MMP26: variants seen among roughly 807,000 people sequenced by gnomAD.
The protein encoded by MMP26 is matrix metallopeptidase 26.
A neutral mutation model predicts 31.0 loss-of-function variants in MMP26; 33 were observed. That is an observed-to-expected ratio of 1.06 (90% CI 0.81 to 1.42). MMP26 has a LOEUF of 1.42. MMP26 is among the 40% of genes most tolerant of loss of function. MMP26 has a pLI of 0.00. For missense variants in MMP26, 347 were observed against 316.1 expected (o/e 1.10, Z -0.74); for synonymous variants, 122 against 114.9 (o/e 1.06, Z -0.40).
rs3065176 is a variant in MMP26, at chr11:4,867,387, C to CTTT, written c.-145+100067_-145+100069dup. ...TACAAAACCACAATGAGATGCTGTC[C>CTTT]TTTTTTTTTTTTTTTTTTTTTTTGA... On this transcript the variant is annotated intron_variant, in intron 2 of 7. Transcript: ENST00000380390. Among the ~76,000 whole-genome samples the CTTT allele has an allele frequency of 4.5e-3, 440 of 98,232 alleles. 4 individuals carry two copies. The highest frequency in any genetic ancestry group is 6.6e-3 in the Non-Finnish European group (333 of 50,818). 64.4% of individuals were successfully genotyped at this position (98,232 alleles called of 152,430 possible).
At chr11:4,774,036 T>A (rs12802561) in intron 2 of MMP26, among the ~76,000 whole-genome samples, 14,438 of 152,262 alleles carry the variant, frequency 0.095, 850 homozygotes, top group Middle Eastern at 0.15. Context: ...ATCCAGTCTA[T>A]CATTAGTGGG....
intron 1 of MMP26, chr11:4,724,013 A>C (rs765350828): frequency 1.0e-5 from 7 of 698,778 alleles, no homozygotes; most frequent in Non-Finnish European, 1.8e-5. Context: ...GACCCACCAT[A>C]ACCTCCACCC....
rs185538411 is a variant in MMP26 at position 4,771,433 on chromosome 11, A to G, written c.-145+4092A>G. On this transcript the variant is annotated intron_variant, in intron 2 of 7. Coordinates refer to ENST00000380390, the MANE Select transcript of MMP26 (RefSeq NM_021801.5). ...TACTGCTGTTCAAAAGTGTAAAGTG[A>G]TGGCTGCTGGCTTCCGGATACAGTA... 7.8e-4 allele frequency among the ~76,000 whole-genome samples: 119 copies of G among 152,314 alleles called. 1 individual carries two copies. The highest frequency in any genetic ancestry group is 2.6e-3 in the African/African-American group (108 of 41,566).
intron 2 of MMP26, among the ~76,000 whole-genome samples, chr11:4,891,367 T>C (rs1371353611): frequency 6.6e-6 from 1 of 152,108 alleles, no homozygotes; most frequent in Non-Finnish European, 1.5e-5. Context: ...AGGTACCATA[T>C]ACTTTTCAAC....
chr11:4,992,223 G>C lies in MMP26; in HGVS notation c.767G>C (p.Cys256Ser). 1 of 1,603,006 alleles carries C rather than the reference G, an allele frequency of 6.2e-7. No individual in the cohort carries two copies. Among genetic ancestry groups the C allele is most frequent in the Non-Finnish European group, 8.5e-7 (1 of 1,172,540 alleles). ...TTTTCTGTTTCCATAGGAGAAAAATGTTCATCTGACATACCTTAATGTTAG... is the reference window on the plus strand; with the variant it reads ...TTTTCTGTTTCCATAGGAGAAAAATCTTCATCTGACATACCTTAATGTTAG... Reference protein sequence around the residue: ...QRIQHLYGEKCSSDIP With the variant: ...QRIQHLYGEKSSSDIP The change falls in exon 8 of 8, where the codon TGT becomes TCT. Residue 256 changes from cysteine to serine, a missense_variant. Transcript: ENST00000380390.
In MMP26 at chr11:4,962,420, T is replaced by A. The variant is rs78111501; in HGVS notation, c.-144-25648T>A. Among the ~76,000 whole-genome samples the A allele has an allele frequency of 2.2e-4, 33 of 152,236 alleles. 1 individual carries two copies. The East Asian group carries it at 4.4e-3, about 20-fold the overall frequency. On this transcript the variant is annotated intron_variant, in intron 2 of 7. Transcript: ENST00000380390. ...GCTTTCTTATTTATCAATAGAAAAA[T>A]ATATATAAAGCAAATATTTAAACCT... is the stretch of plus-strand genomic sequence containing the variant.
At chr11:4,922,640 A>G (rs1489973773) in intron 2 of MMP26, among the ~76,000 whole-genome samples, 1 of 152,216 alleles carries the variant, frequency 6.6e-6, no homozygotes, top group African/African-American at 2.4e-5. Context: ...ATAAGCACAA[A>G]ATAACACATA....
intron 2 of MMP26, among the ~76,000 whole-genome samples, chr11:4,819,719 C>T (rs2133469656): frequency 6.6e-6 from 1 of 151,762 alleles, no homozygotes; most frequent in South Asian, 2.1e-4. Flanking sequence ...TTGGGACCTA[C>T]AGACATGTAC....
At chr11:4,898,885 GA>G (rs1850755376) in intron 2 of MMP26, among the ~76,000 whole-genome samples, 1 of 145,520 alleles carries the variant, frequency 6.9e-6, no homozygotes, top group Non-Finnish European at 1.5e-5. Flanking sequence ...GTTCTTTCAA[GA>G]AAAACAACTG....
At chr11:4,954,681 G>T in intron 2 of MMP26, 1 of 670,074 alleles carries the variant, frequency 1.5e-6, no homozygotes, top group South Asian at 1.7e-5. Context: ...AAAAATATGT[G>T]TTGATAATTC....
intron 2 of MMP26, among the ~76,000 whole-genome samples, chr11:4,846,300 A>G (rs1482325835): frequency 6.6e-6 from 1 of 152,232 alleles, no homozygotes; most frequent in African/African-American, 2.4e-5. Flanking sequence ...TATGCCAGGC[A>G]CAGAAAAACA....
chr11:4,836,454 A>G (rs1435987324), intron 2 of MMP26, among the ~76,000 whole-genome samples: 2 of 150,502 alleles, frequency 1.3e-5, no homozygotes, highest in Non-Finnish European at 3.0e-5. Context: ...CATATAATTT[A>G]TAATATGATA....
intron 2 of MMP26, among the ~76,000 whole-genome samples, chr11:4,856,913 G>C (rs1387142686): frequency 6.6e-6 from 1 of 152,160 alleles, no homozygotes; most frequent in Non-Finnish European, 1.5e-5. Flanking sequence ...TCAGGATTAA[G>C]AAACTCACTC....
intron 2 of MMP26, chr11:4,955,850 A>G (rs1429709399): frequency 1.6e-6 from 1 of 623,930 alleles, no homozygotes; most frequent in Admixed American, 2.9e-5. Context: ...GGCTTCTTTC[A>G]GCTTTCTTTT....
intron 2 of MMP26, among the ~76,000 whole-genome samples, chr11:4,950,984 G>T (rs1846366727): frequency 8.1e-6 from 1 of 123,224 alleles, no homozygotes; most frequent in Non-Finnish European, 1.8e-5. Context: ...ATCTTCTATA[G>T]GTACATAAAT....
At chr11:4,761,581 T>C (rs1328583235) in intron 1 of MMP26, among the ~76,000 whole-genome samples, 1 of 152,150 alleles carries the variant, frequency 6.6e-6, no homozygotes, top group African/African-American at 2.4e-5. Context: ...AAAAATCACA[T>C]CAGGGAAAAT....
In MMP26 at chr11:4,988,965, T is replaced by C. The variant is rs139310015; in HGVS notation, c.99+655T>C. On this transcript the variant is annotated intron_variant, in intron 3 of 7. Transcript: ENST00000380390. ...CATATAATTTAAAAAAAACAGTCAA[T>C]AGGTTTACGTCAAGTACTCATAAGA... Among the ~76,000 whole-genome samples, 370 of 152,168 alleles carry C rather than the reference T, an allele frequency of 2.4e-3. 1 individual carries two copies. Among genetic ancestry groups the C allele is most frequent in the African/African-American group, 8.7e-3 (359 of 41,494 alleles).
chr11:4,855,597 T>A (rs1354215597), intron 2 of MMP26, among the ~76,000 whole-genome samples: 1 of 152,146 alleles, frequency 6.6e-6, no homozygotes, highest in Non-Finnish European at 1.5e-5. Context: ...TACGTCTGAT[T>A]GGTGTACCTG....
chr11:4,773,555 C>T (rs546142038), intron 2 of MMP26, among the ~76,000 whole-genome samples: 1 of 151,104 alleles, frequency 6.6e-6, no homozygotes, highest in African/African-American at 2.4e-5. Flanking sequence ...TGTATTCAGA[C>T]TCCTGACTTA....
Sources: allele counts gnomAD v4.1 joint callset (sites outside exome capture counted in the v4.1 genomes callset), GRCh38; gene constraint gnomAD v4.1.1; transcripts MANE v1.5; gene names NCBI Gene and HGNC (gene_info 2026-07-23, HGNC 2026-07-21).